Variants in SLAIN1 observed in about 807,000 individuals in gnomAD.
The protein encoded by SLAIN1 is SLAIN family member 1, also known as SLAIN motif-containing protein 1.
SLAIN1 carries 17 observed loss-of-function variants against 55.4 expected under a neutral mutation model. The observed-to-expected ratio is 0.31, with a 90% CI of 0.21 to 0.46. The LOEUF (loss-of-function observed/expected upper bound fraction) is 0.46, where lower values mean the gene tolerates loss of function less well. SLAIN1 is among the 20% of genes least tolerant of loss of function. The probability of loss-of-function intolerance (pLI) is 1.00; values close to 1 mark genes in which losing one functional copy is unlikely to be tolerated. For synonymous variants in SLAIN1, 348 were observed against 337.4 expected (o/e 1.03, Z -0.35); for missense variants, 682 against 785.1 (o/e 0.87, Z 1.57).
intron 1 of SLAIN1, among the ~76,000 whole-genome samples, chr13:77,700,245 A>C (rs1486487691): frequency 6.6e-6 from 1 of 152,216 alleles, no homozygotes; most frequent in Non-Finnish European, 1.5e-5. Context: ...TCCAAATAGC[A>C]TTGAAATAAT....
chr13:77,739,856 A>G (rs1187829172), intron 2 of SLAIN1, among the ~76,000 whole-genome samples: 4 of 152,154 alleles, frequency 2.6e-5, no homozygotes, highest in Non-Finnish European at 4.4e-5. Context: ...GTATACAAAA[A>G]TAACTACACA....
chr13:77,745,381 T>G (rs1299265037), intron 3 of SLAIN1, among the ~76,000 whole-genome samples: 1 of 152,122 alleles, frequency 6.6e-6, no homozygotes, highest in Admixed American at 6.6e-5. Context: ...GTTTTGTTTT[T>G]TTTTAAGCAC....
Position 77,698,409 on chromosome 13 carries a change from C to G in SLAIN1, c.496C>G (p.Pro166Ala), listed in dbSNP as rs1002320305. The G allele has an allele frequency of 1.4e-6, 2 of 1,396,556 alleles. No homozygotes were observed. Among genetic ancestry groups the G allele is most frequent in the East Asian group, 3.1e-5 (1 of 32,122 alleles). 86.5% of individuals were successfully genotyped at this position (1,396,556 alleles called of 1,614,324 possible). A position where few individuals can be genotyped will look rare whatever the true frequency, so the allele number is the denominator to read the frequency against. The change falls in exon 1 of 7, where the codon CCG becomes GCG. Residue 166 changes from proline to alanine, a missense_variant. Physicochemically the swap from Pro to Ala is conservative, Grantham distance 27 (BLOSUM62 -1). Coordinates refer to ENST00000418532, the MANE Select transcript of SLAIN1 (RefSeq NM_001242868.2). The surrounding 1 kb of genome is among the most constrained non-coding windows in gnomAD (Gnocchi z 4.1). ...FFGAGGGGPE[P>A]GGAGTPPGAA... is the part of the protein sequence containing the mutation. ...CGGCGCGGGCGGTGGCGGGCCGGAG[C>G]CGGGGGGCGCGGGGACGCCGCCAGG...
At chr13:77,745,405 A>G (rs1873749329) in intron 3 of SLAIN1, among the ~76,000 whole-genome samples, 1 of 152,064 alleles carries the variant, frequency 6.6e-6, no homozygotes. Flanking sequence ...ATGTGAGTCT[A>G]CAGTTATCTT....
Position 77,705,839 on chromosome 13 carries a change from G to C in SLAIN1, c.626+7300G>C, listed in dbSNP as rs375184313. ...GTCATACTTCATTGGAAACATTCAGGGTTATTGTGGGCTTTTTCTTTCTTT... is the reference window on the plus strand; with the variant it reads ...GTCATACTTCATTGGAAACATTCAGCGTTATTGTGGGCTTTTTCTTTCTTT... On this transcript the variant is annotated intron_variant, in intron 1 of 6. Transcript: ENST00000418532. 9.2e-5 allele frequency among the ~76,000 whole-genome samples: 14 copies of C among 151,802 alleles called. No homozygotes were observed. In the East Asian group the frequency reaches 2.3e-3, roughly 25 times the overall value.
chr13:77,719,710 G>A (rs1427544868), intron 2 of SLAIN1, 39 bp downstream of exon 2: 2 of 1,601,342 alleles, frequency 1.2e-6, no homozygotes, highest in Non-Finnish European at 8.5e-7. Flanking sequence ...TCCAACTCTT[G>A]TCACTCTCAG....
At chr13:77,727,573 C>T (rs1474564551) in intron 2 of SLAIN1, among the ~76,000 whole-genome samples, 1 of 151,596 alleles carries the variant, frequency 6.6e-6, no homozygotes, top group African/African-American at 2.4e-5. Context: ...TAGTTCTGAG[C>T]GTGGGGGTTT....
At chr13:77,699,437 A>G (rs959519094) in intron 1 of SLAIN1, among the ~76,000 whole-genome samples, 3 of 152,174 alleles carry the variant, frequency 2.0e-5, no homozygotes, top group Non-Finnish European at 4.4e-5. Flanking sequence ...CTTTCCATGA[A>G]TGAGTAACTT....
At position 77,741,372 on chromosome 13, in the gene SLAIN1, A is replaced by G. The variant is rs191595098; in HGVS notation, c.767-2911A>G. The G allele has an allele frequency of 5.1e-6, 5 of 987,468 alleles. No individual in the cohort carries two copies. The East Asian group carries it at 3.4e-4, about 67-fold the overall frequency. The allele number at this position is 987,468 out of a possible 1,614,324, so 61.2% of individuals were successfully genotyped here. ...GTATTCTGGAGTCAAGTTGACCTAC[A>G]TAGAAGAGAAGGAACTGGAAGTGCA... On this transcript the variant is annotated intron_variant, in intron 2 of 6. Transcript: ENST00000418532.
At chr13:77,701,717 A>G (rs1254001476) in intron 1 of SLAIN1, among the ~76,000 whole-genome samples, 2 of 152,056 alleles carry the variant, frequency 1.3e-5, no homozygotes, top group Non-Finnish European at 2.9e-5. Flanking sequence ...GTTGATGGCA[A>G]TTCCAGAACC....
At chr13:77,746,438 C>A (rs1464008105) in intron 3 of SLAIN1, 76 bp from the exon 4 acceptor site, 5 of 1,266,276 alleles carry the variant, frequency 3.9e-6, no homozygotes, top group African/African-American at 1.5e-5. Context: ...CACAATTTTT[C>A]ATCTAATACT....
intron 2 of SLAIN1, chr13:77,743,097 G>A (rs1342160767): frequency 1.5e-6 from 2 of 1,303,364 alleles, no homozygotes; most frequent in Non-Finnish European, 2.0e-6. Context: ...AGCCCTTATA[G>A]CAATGGCATT....
chr13:77,701,330 T>C (rs1243252588), intron 1 of SLAIN1, among the ~76,000 whole-genome samples: 1 of 152,150 alleles, frequency 6.6e-6, no homozygotes, highest in African/African-American at 2.4e-5. Context: ...TCTTTTCTAA[T>C]AAAACCTTAG....
In SLAIN1 at chr13:77,763,385, C is replaced by G. The variant is rs531631041; in HGVS notation, c.*165C>G. On this transcript the variant is annotated 3_prime_UTR_variant, in exon 7 of 7. Coordinates refer to ENST00000418532, the MANE Select transcript of SLAIN1 (RefSeq NM_001242868.2). ...ACCAGTCACCAGAGACTAATTATTG[C>G]ACTTAAATATTTGCCTGAGATACTG... The G allele has an allele frequency of 5.7e-5, 34 of 598,698 alleles. No homozygotes were observed. The African/African-American group carries it at 6.1e-4, about 11-fold the overall frequency. The allele number at this position is 598,698 out of a possible 1,614,324, so 37.1% of individuals were successfully genotyped here.
chr13:77,698,989 G>T lies in SLAIN1; in HGVS notation c.626+450G>T. The T allele has an allele frequency of 6.5e-7, 1 of 1,534,768 alleles. No homozygotes were observed. The highest frequency in any genetic ancestry group is 8.7e-7 in the Non-Finnish European group (1 of 1,146,784). On this transcript the variant is annotated intron_variant, in intron 1 of 6. Coordinates refer to ENST00000418532, the MANE Select transcript of SLAIN1 (RefSeq NM_001242868.2). The surrounding 1 kb of genome is among the most constrained non-coding windows in gnomAD (Gnocchi z 4.1). ...TTCGTTTTAAACGAACGCTGGACAG[G>T]ATTTGCGTGCTCTTCCTCCTCGGGT...
chr13:77,711,007 G>A (rs1326899312), intron 1 of SLAIN1, among the ~76,000 whole-genome samples: 1 of 152,044 alleles, frequency 6.6e-6, no homozygotes, highest in Admixed American at 6.6e-5. Flanking sequence ...AGAAATTAAG[G>A]CAGAAATAAG....
Position 77,744,289 on chromosome 13 carries a change from C to T in SLAIN1, c.773C>T (p.Thr258Ile), listed in dbSNP as rs1291874916. Residue 258 changes from threonine to isoleucine, a missense_variant, in exon 3 of 7, where the codon ACT becomes ATT. Coordinates refer to ENST00000418532, the MANE Select transcript of SLAIN1 (RefSeq NM_001242868.2). ...CTTTTCCTTTGTGTTTCAGGTTACA[C>T]TTCCAGGGGCTCCCCACTCAGTCCC... ...SLCFRLEQGY[T>I]SRGSPLSPQS... is the part of the protein sequence containing the mutation. 6.2e-7 allele frequency: 1 copy of T among 1,612,014 alleles called. No homozygotes were observed. The highest frequency in any genetic ancestry group is 1.3e-5 in the African/African-American group (1 of 74,800).
intron 4 of SLAIN1, 38 bp from the exon 5 acceptor site, chr13:77,753,165 A>G: frequency 6.5e-7 from 1 of 1,536,244 alleles, no homozygotes; most frequent in South Asian, 1.3e-5. Context: ...TGGTTGCATA[A>G]CATCTGTCAT....
In SLAIN1 at chr13:77,698,280, C is replaced by T; in HGVS notation, c.367C>T (p.Pro123Ser). The T allele has an allele frequency of 2.1e-6, 3 of 1,426,362 alleles. No individual in the cohort carries two copies. Among genetic ancestry groups the T allele is most frequent in the Non-Finnish European group, 1.8e-6 (2 of 1,089,082 alleles). 88.4% of individuals were successfully genotyped at this position (1,426,362 alleles called of 1,614,324 possible). A position where few individuals can be genotyped will look rare whatever the true frequency, so the allele number is the denominator to read the frequency against. The change falls in exon 1 of 7, where the codon CCG (proline) becomes TCG (serine). Residue 123 changes from proline to serine, a missense_variant. Coordinates refer to ENST00000418532, the MANE Select transcript of SLAIN1 (RefSeq NM_001242868.2). The surrounding 1 kb of genome is among the most constrained non-coding windows in gnomAD (Gnocchi z 4.1). ...CGGCGGTGGCTCCAGCCCCGCGTTC[C>T]CGGGCACCTTCTGCCTGCCTAGCCC... is the stretch of plus-strand genomic sequence containing the variant. ...GSGGGSSPAFPGTFCLPSPAP... is the reference protein window; with the variant it reads ...GSGGGSSPAFSGTFCLPSPAP...
Sources: gnomAD v4.1 joint callset for allele counts (sites outside exome capture counted in the v4.1 genomes callset) on GRCh38, gnomAD v4.1.1 for gene constraint, Gnocchi (gnomAD v3.1) non-coding constraint, MANE v1.5 for transcripts, NCBI Gene and HGNC (gene_info 2026-07-23, HGNC 2026-07-21) for gene names.